PLPPR5: variants seen among roughly 807,000 people sequenced by gnomAD.
The protein encoded by PLPPR5 is phospholipid phosphatase related 5.
In PLPPR5, 16 loss-of-function variants were observed where a neutral mutation model predicts 33.9. The observed-to-expected ratio is 0.47, with a 90% CI of 0.32 to 0.72. The LOEUF is 0.72. PLPPR5 is among the 30% of genes least tolerant of loss of function. PLPPR5 has a pLI of 0.03. For synonymous variants in PLPPR5, 163 were observed against 150.3 expected, an observed-to-expected ratio of 1.08 and a Z score of -0.62; for missense variants, 301 against 406.7, an observed-to-expected ratio of 0.74 and a Z score of 2.23.
chr1:98,914,725 T>C (rs1402451032), intron 5 of PLPPR5, 61 bp downstream of exon 5: 1 of 1,440,426 alleles, frequency 6.9e-7, no homozygotes, highest in East Asian at 2.3e-5. Flanking sequence ...CAGATATACA[T>C]ACAGGAATAA....
intron 1 of PLPPR5, among the ~76,000 whole-genome samples, chr1:98,961,283 C>T (rs1017243069): frequency 6.6e-6 from 1 of 152,182 alleles, no homozygotes; most frequent in Non-Finnish European, 1.5e-5. Context: ...GCAATCCTTA[C>T]TACACTTAAA....
At chr1:98,978,103 C>T (rs901674508) in intron 1 of PLPPR5, among the ~76,000 whole-genome samples, 2 of 151,826 alleles carry the variant, frequency 1.3e-5, no homozygotes, top group African/African-American at 4.8e-5. Context: ...TTTTTAATTC[C>T]TCTGGCATCG....
rs564114533 is a variant in PLPPR5 at position 98,958,862 on chromosome 1, G to C, written c.238-2121C>G. Among the ~76,000 whole-genome samples, 131 of 152,130 alleles carry C rather than the reference G, an allele frequency of 8.6e-4. 1 individual carries two copies. Among genetic ancestry groups the C allele is most frequent in the African/African-American group, 3.1e-3 (127 of 41,510 alleles). ...TCCACTCCACTTCATGAGCTGACCG[G>C]CTCTGCACATGATGGCTGCCCTCTC... On this transcript the variant is annotated intron_variant, in intron 1 of 5. Transcript: ENST00000263177.
chr1:98,901,503 T>C (rs1471360439), intron 5 of PLPPR5, among the ~76,000 whole-genome samples: 1 of 152,092 alleles, frequency 6.6e-6, no homozygotes, highest in African/African-American at 2.4e-5. Context: ...TAACATGAAG[T>C]CTAAAGGCCA....
chr1:98,957,782 A>G (rs1651069236), intron 1 of PLPPR5, among the ~76,000 whole-genome samples: 1 of 152,210 alleles, frequency 6.6e-6, no homozygotes, highest in Admixed American at 6.5e-5. Flanking sequence ...TTTACAAGTA[A>G]AGAAACACCA....
chr1:98,942,281 G>T (rs1333520443), intron 3 of PLPPR5, among the ~76,000 whole-genome samples: 2 of 152,102 alleles, frequency 1.3e-5, no homozygotes, highest in Non-Finnish European at 2.9e-5. Context: ...ACCCTCAAGT[G>T]ATCTGCCCGC....
intron 2 of PLPPR5, among the ~76,000 whole-genome samples, chr1:98,955,588 T>TG (rs1439517497): frequency 3.3e-5 from 5 of 152,058 alleles, no homozygotes; most frequent in Non-Finnish European, 7.4e-5. Flanking sequence ...ATAACAATCT[T>TG]GGATATGAAG....
chr1:98,999,187 T>C (rs1652737580), intron 1 of PLPPR5, among the ~76,000 whole-genome samples: 2 of 152,198 alleles, frequency 1.3e-5, no homozygotes, highest in South Asian at 4.1e-4. Context: ...TGCTAGGTGC[T>C]TTAAAGAGGT....
In PLPPR5 at chr1:98,960,493, C is replaced by T. The variant is rs181863964; in HGVS notation, c.238-3752G>A. On this transcript the variant is annotated intron_variant, in intron 1 of 5. Transcript: ENST00000263177. ...TGCTAGGATTACAGGCACGAGCTAC[C>T]GTGCCCAGCCTGCTCTCAGATAAAT... is the stretch of plus-strand genomic sequence containing the variant. 5.9e-5 allele frequency among the ~76,000 whole-genome samples: 9 copies of T among 152,240 alleles called. No individual in the cohort carries two copies. In the East Asian group the frequency reaches 1.2e-3, roughly 20 times the overall value.
chr1:98,910,592 T>C (rs970164083), intron 5 of PLPPR5, among the ~76,000 whole-genome samples: 44 of 152,316 alleles, frequency 2.9e-4, no homozygotes, highest in African/African-American at 8.7e-4. Context: ...GAAAGATTAA[T>C]AAAAACAAGC....
chr1:98,904,570 T>A (rs1343887963), intron 5 of PLPPR5, among the ~76,000 whole-genome samples: 1 of 152,202 alleles, frequency 6.6e-6, no homozygotes, highest in African/African-American at 2.4e-5. Context: ...ATATTTTCTA[T>A]ATGGCATCAG....
intron 3 of PLPPR5, among the ~76,000 whole-genome samples, chr1:98,947,063 G>A (rs746148591): frequency 2.0e-5 from 3 of 152,074 alleles, no homozygotes; most frequent in Non-Finnish European, 4.4e-5. Context: ...TAATTAGAAT[G>A]TTCAAGAGGC....
intron 3 of PLPPR5, among the ~76,000 whole-genome samples, chr1:98,933,947 A>T (rs1361620456): frequency 6.6e-6 from 1 of 152,186 alleles, no homozygotes; most frequent in African/African-American, 2.4e-5. Context: ...TTACTTACGC[A>T]AAAGGAGAGG....
intron 4 of PLPPR5, among the ~76,000 whole-genome samples, chr1:98,918,348 G>A (rs542740049): frequency 6.6e-6 from 1 of 152,310 alleles, no homozygotes; most frequent in Non-Finnish European, 1.5e-5. Flanking sequence ...TTGCATTAAT[G>A]TAGTAAAGAG....
At chr1:98,909,958 C>A (rs1044131444) in intron 5 of PLPPR5, among the ~76,000 whole-genome samples, 1 of 152,102 alleles carries the variant, frequency 6.6e-6, no homozygotes, top group South Asian at 2.1e-4. Flanking sequence ...GACTTTTCCT[C>A]ATAAACTATG....
intron 1 of PLPPR5, among the ~76,000 whole-genome samples, chr1:98,998,059 A>G (rs1309005967): frequency 6.6e-6 from 1 of 152,108 alleles, no homozygotes; most frequent in East Asian, 1.9e-4. Flanking sequence ...TCTCCTTAGC[A>G]GTATGCAAAG....
chr1:98,939,544 T>G (rs1391044902), intron 3 of PLPPR5, among the ~76,000 whole-genome samples: 2 of 151,944 alleles, frequency 1.3e-5, no homozygotes, highest in Non-Finnish European at 2.9e-5. Context: ...CCACCAAAAC[T>G]AAACAAAAAT....
chr1:98,920,295 C>T (rs1023559329), intron 4 of PLPPR5, among the ~76,000 whole-genome samples: 12 of 152,098 alleles, frequency 7.9e-5, no homozygotes, highest in South Asian at 2.1e-4. Context: ...GTTATGGACC[C>T]GCAGAGCTGA....
At chr1:98,986,862 T>G (rs1345177759) in intron 1 of PLPPR5, among the ~76,000 whole-genome samples, 1 of 151,708 alleles carries the variant, frequency 6.6e-6, no homozygotes, top group Admixed American at 6.6e-5. Context: ...AAATGGGTGT[T>G]TTTTTTAACC....
Sources: allele counts gnomAD v4.1 joint callset (sites outside exome capture counted in the v4.1 genomes callset), GRCh38; gene constraint gnomAD v4.1.1; transcripts MANE v1.5; gene names NCBI Gene and HGNC (gene_info 2026-07-23, HGNC 2026-07-21).